THNSL1: variants seen among roughly 807,000 people sequenced by gnomAD.
THNSL1 encodes threonine synthase like 1, also known as threonine synthase-like 1.
In THNSL1, 48 loss-of-function variants were observed where a neutral mutation model predicts 50.4. That is an observed-to-expected ratio of 0.95 (90% CI 0.76 to 1.21). The LOEUF (loss-of-function observed/expected upper bound fraction) is 1.21, where lower values mean the gene tolerates loss of function less well. Ranked by LOEUF, THNSL1 falls within the 50% of genes most tolerant of loss-of-function variation. The pLI is 0.00. For missense variants in THNSL1, 896 were observed against 871.7 expected (o/e 1.03, Z -0.35); for synonymous variants, 309 against 306.1 (o/e 1.01, Z -0.10).
intron 1 of THNSL1, among the ~76,000 whole-genome samples, chr10:25,018,659 GTTTTTTTTT>G (rs374289213): frequency 2.1e-5 from 2 of 93,716 alleles, no homozygotes; most frequent in Admixed American, 2.5e-4. Flanking sequence ...AATGAGAGTT[GTTTTTTTTT>G]TTTTTTTTTT....
the THNSL1 span, chr10:24,984,330 T>C: frequency 1.3e-5 from 21 of 1,588,594 alleles, no homozygotes; most frequent in African/African-American, 2.7e-4. Flanking sequence ...CTATTTCCAG[T>C]TCAAAATACT....
chr10:24,986,018 T>C, the THNSL1 span, among the ~76,000 whole-genome samples: 1 of 152,132 alleles, frequency 6.6e-6, no homozygotes, highest in Non-Finnish European at 1.5e-5. Flanking sequence ...CAGTGAGCGA[T>C]GATTGCGCCA....
chr10:25,011,033 A>G, the THNSL1 span, among the ~76,000 whole-genome samples: 1 of 149,414 alleles, frequency 6.7e-6, no homozygotes, highest in Non-Finnish European at 1.5e-5. Flanking sequence ...GACTTCCACA[A>G]TGGTTGAACT....
chr10:25,002,869 A>C, the THNSL1 span, among the ~76,000 whole-genome samples: 1 of 152,102 alleles, frequency 6.6e-6, no homozygotes, highest in Non-Finnish European at 1.5e-5. Context: ...TGCCCACAGA[A>C]GTTGGGGCTG....
At chr10:25,012,859 G>A (rs1056312318), upstream of THNSL1, among the ~76,000 whole-genome samples, 1 of 152,174 alleles carries the variant, frequency 6.6e-6, no homozygotes, top group African/African-American at 2.4e-5. Flanking sequence ...GTGAGGACAT[G>A]AGATCTGGGA....
the THNSL1 span, among the ~76,000 whole-genome samples, chr10:25,005,319 T>C: frequency 6.6e-6 from 1 of 152,222 alleles, no homozygotes; most frequent in South Asian, 2.1e-4. Context: ...ACCATACAGT[T>C]AAGATTAGAC....
intron 1 of THNSL1, among the ~76,000 whole-genome samples, chr10:25,020,282 A>ATCTATATCTATATCTATATC (rs1564347806): frequency 2.6e-5 from 4 of 151,766 alleles, no homozygotes; most frequent in Admixed American, 6.6e-5. Context: ...ATCTATATAT[A>ATCTATATCTATATCTATATC]TCTACCCCAA....
At chr10:24,976,745 C>T in the THNSL1 span, among the ~76,000 whole-genome samples, 7 of 152,238 alleles carry the variant, frequency 4.6e-5, no homozygotes, top group South Asian at 2.1e-4. Context: ...CCACCTGCCT[C>T]GGCCTCCCAA....
the THNSL1 span, among the ~76,000 whole-genome samples, chr10:24,974,701 T>C: frequency 6.6e-6 from 1 of 152,234 alleles, no homozygotes; most frequent in Non-Finnish European, 1.5e-5. Context: ...ACTAGAAATT[T>C]TGAAGATTTA....
the THNSL1 span, among the ~76,000 whole-genome samples, chr10:24,987,785 T>A: frequency 1.2e-4 from 18 of 152,166 alleles, no homozygotes; most frequent in Non-Finnish European, 2.4e-4. Context: ...TTGATAGTTT[T>A]GTGACCAAAG....
chr10:24,999,404 G>A, the THNSL1 span: 1 of 1,604,830 alleles, frequency 6.2e-7, no homozygotes, highest in Non-Finnish European at 8.5e-7. Context: ...AACCTACTGG[G>A]TGGTAGAGTT....
the THNSL1 span, among the ~76,000 whole-genome samples, chr10:24,978,150 A>G: frequency 6.0e-3 from 916 of 152,266 alleles, 3 homozygotes; most frequent in Non-Finnish European, 8.6e-3. Context: ...TTCAGTTTGC[A>G]GGTATAATTG....
At chr10:24,976,563 C>T in the THNSL1 span, among the ~76,000 whole-genome samples, 1 of 151,894 alleles carries the variant, frequency 6.6e-6, no homozygotes, top group African/African-American at 2.4e-5. Context: ...GGTCTTGGCT[C>T]ACTGCAACCT....
the THNSL1 span, among the ~76,000 whole-genome samples, chr10:24,999,060 C>G: frequency 6.6e-6 from 1 of 152,142 alleles, no homozygotes; most frequent in African/African-American, 2.4e-5. Flanking sequence ...AGATGCTGGG[C>G]AATCTTGCCC....
chr10:24,981,225 A>G, the THNSL1 span, among the ~76,000 whole-genome samples: 2 of 152,250 alleles, frequency 1.3e-5, no homozygotes, highest in Non-Finnish European at 2.9e-5. Flanking sequence ...CCCTCAGGTC[A>G]GGTCCTGGGC....
At chr10:24,975,194 T>A in the THNSL1 span, among the ~76,000 whole-genome samples, 1 of 151,984 alleles carries the variant, frequency 6.6e-6, no homozygotes, top group East Asian at 1.9e-4. Context: ...CCAATAAAGA[T>A]AAAAGAAACC....
the THNSL1 span, among the ~76,000 whole-genome samples, chr10:24,996,665 C>T: frequency 1.3e-5 from 2 of 152,112 alleles, no homozygotes; most frequent in African/African-American, 2.4e-5. Flanking sequence ...CCAATTTTAA[C>T]CCCATCACAA....
the THNSL1 span, among the ~76,000 whole-genome samples, chr10:25,011,486 G>T: frequency 6.6e-6 from 1 of 152,110 alleles, no homozygotes; most frequent in Non-Finnish European, 1.5e-5. Flanking sequence ...ATAGGGAAAG[G>T]ATTCCCTATT....
the THNSL1 span, among the ~76,000 whole-genome samples, chr10:24,964,474 G>A: frequency 6.6e-6 from 1 of 152,180 alleles, no homozygotes; most frequent in South Asian, 2.1e-4. Context: ...AGAAACATAA[G>A]TTAAATGAAG....
Sources: gnomAD v4.1 joint callset for allele counts (sites outside exome capture counted in the v4.1 genomes callset) on GRCh38, gnomAD v4.1.1 for gene constraint, MANE v1.5 for transcripts, NCBI Gene and HGNC (gene_info 2026-07-23, HGNC 2026-07-21) for gene names.